SLC26A7: variants seen among roughly 807,000 people sequenced by gnomAD.
The protein encoded by SLC26A7 is solute carrier family 26 member 7.
Under a neutral mutation model 82.5 loss-of-function variants are expected in SLC26A7, and 59 were observed. The observed-to-expected ratio is 0.72, with a 90% CI of 0.58 to 0.89. The LOEUF is 0.89. SLC26A7 is among the 40% of genes least tolerant of loss of function. SLC26A7 has a pLI of 0.00. For missense variants in SLC26A7, 820 were observed against 793.0 expected (o/e 1.03, Z -0.41); for synonymous variants, 271 against 274.3 (o/e 0.99, Z 0.12).
chr8:91,388,379 A>AT (rs922489218), intron 15 of SLC26A7, among the ~76,000 whole-genome samples: 4 of 151,108 alleles, frequency 2.6e-5, no homozygotes, highest in African/African-American at 4.9e-5. Context: ...CCCGAGCGGG[A>AT]TTTTTTTTTA....
chr8:91,368,009 G>A (rs968411031), intron 14 of SLC26A7, among the ~76,000 whole-genome samples: 1 of 152,174 alleles, frequency 6.6e-6, no homozygotes, highest in Non-Finnish European at 1.5e-5. Context: ...CAGGGGCTCA[G>A]TGCAAAATGA....
At chr8:91,328,499 G>A (rs543019975) in intron 5 of SLC26A7, among the ~76,000 whole-genome samples, 2 of 152,082 alleles carry the variant, frequency 1.3e-5, no homozygotes, top group African/African-American at 2.4e-5. Flanking sequence ...TATAGTCCAA[G>A]TATTGGTAGT....
intron 2 of SLC26A7, among the ~76,000 whole-genome samples, chr8:91,232,703 G>C (rs1442185833): frequency 6.6e-6 from 1 of 152,198 alleles, no homozygotes; most frequent in Non-Finnish European, 1.5e-5. Flanking sequence ...CTATGTCATG[G>C]AGTTAGTGTT....
intron 2 of SLC26A7, among the ~76,000 whole-genome samples, chr8:91,280,439 C>T (rs551132982): frequency 2.0e-5 from 3 of 152,354 alleles, no homozygotes; most frequent in Admixed American, 6.5e-5. Context: ...CTCTCCTCTT[C>T]GGAACGGCAC....
At chr8:91,268,944 A>C (rs1586343346) in intron 2 of SLC26A7, among the ~76,000 whole-genome samples, 1 of 5,172 alleles carries the variant, frequency 1.9e-4, no homozygotes, top group Admixed American at 6.4e-4. Flanking sequence ...ATCACAAAAC[A>C]AAAAAAAAAC....
At chr8:91,292,363 G>A (rs1336908370) in intron 3 of SLC26A7, among the ~76,000 whole-genome samples, 1 of 151,868 alleles carries the variant, frequency 6.6e-6, no homozygotes, top group Admixed American at 6.6e-5. Flanking sequence ...ATATGTCAGG[G>A]AAAATAGACT....
At chr8:91,345,945 G>C (rs982272585) in intron 9 of SLC26A7, among the ~76,000 whole-genome samples, 3 of 152,088 alleles carry the variant, frequency 2.0e-5, no homozygotes, top group Non-Finnish European at 4.4e-5. Flanking sequence ...TGGGTGTACA[G>C]ATGTTTGATT....
At chr8:91,271,570 C>T (rs1011241446) in intron 2 of SLC26A7, among the ~76,000 whole-genome samples, 2 of 144,982 alleles carry the variant, frequency 1.4e-5, no homozygotes, top group East Asian at 2.1e-4. Context: ...CTTCCAGGCT[C>T]GGGGGTGGTC....
At chr8:91,215,156 T>A (rs144168099) in intron 1 of SLC26A7, among the ~76,000 whole-genome samples, 1 of 152,242 alleles carries the variant, frequency 6.6e-6, no homozygotes, top group East Asian at 1.9e-4. Context: ...ACTTGCAATG[T>A]CCCTTTTGCT....
chr8:91,376,627 T>C (rs1456644950), intron 15 of SLC26A7, among the ~76,000 whole-genome samples: 1 of 152,200 alleles, frequency 6.6e-6, no homozygotes, highest in Non-Finnish European at 1.5e-5. Flanking sequence ...GCTTTTCTTC[T>C]GCACTATCAC....
At chr8:91,219,218 C>CA (rs574431781) in intron 2 of SLC26A7, 301 of 340,882 alleles carry the variant, frequency 8.8e-4, no homozygotes, top group Middle Eastern at 1.5e-3. Flanking sequence ...TAAAAAAGTA[C>CA]AAAAAAAAAT....
At chr8:91,271,382 G>A (rs1811263051) in intron 2 of SLC26A7, among the ~76,000 whole-genome samples, 1 of 152,106 alleles carries the variant, frequency 6.6e-6, no homozygotes. Context: ...AGCAGTGCTG[G>A]AAAATAGTAG....
At chr8:91,375,732 G>C (rs1416656056) in intron 15 of SLC26A7, among the ~76,000 whole-genome samples, 1 of 150,172 alleles carries the variant, frequency 6.7e-6, no homozygotes, top group African/African-American at 2.5e-5. Flanking sequence ...TTCTTCTACA[G>C]TATCTCACAT....
At chr8:91,378,913 T>C (rs1814593550) in intron 15 of SLC26A7, among the ~76,000 whole-genome samples, 2 of 152,056 alleles carry the variant, frequency 1.3e-5, no homozygotes, top group East Asian at 1.9e-4. Flanking sequence ...GAAATAATTG[T>C]TTATTTAAAA....
intron 2 of SLC26A7, among the ~76,000 whole-genome samples, chr8:91,271,896 GAAATC>G (rs1316153835): frequency 2.6e-5 from 4 of 152,226 alleles, no homozygotes; most frequent in Non-Finnish European, 4.4e-5. Context: ...GCCCGGCCGA[GAAATC>G]TTATAGAAAG....
intron 11 of SLC26A7, among the ~76,000 whole-genome samples, chr8:91,358,338 T>TA (rs1469572956): frequency 2.0e-5 from 3 of 150,638 alleles, no homozygotes; most frequent in Non-Finnish European, 3.0e-5. Flanking sequence ...TCTTTTTTTT[T>TA]TTTTTTTTGA....
intron 2 of SLC26A7, among the ~76,000 whole-genome samples, chr8:91,240,142 T>C (rs1457394803): frequency 6.6e-6 from 1 of 152,216 alleles, no homozygotes; most frequent in Non-Finnish European, 1.5e-5. Flanking sequence ...CAGCTTTGCT[T>C]GCCAATGTTC....
chr8:91,226,064 C>G (rs1207624969), intron 2 of SLC26A7, among the ~76,000 whole-genome samples: 1 of 152,170 alleles, frequency 6.6e-6, no homozygotes, highest in African/African-American at 2.4e-5. Context: ...AGAGGATTCT[C>G]TACTCAGTCT....
At chr8:91,328,303 T>C (rs1286665578) in intron 5 of SLC26A7, among the ~76,000 whole-genome samples, 1 of 151,688 alleles carries the variant, frequency 6.6e-6, no homozygotes, top group Non-Finnish European at 1.5e-5. Flanking sequence ...CACTAAATAC[T>C]AAACTTTTTC....
Sources: allele counts gnomAD v4.1 joint callset (sites outside exome capture counted in the v4.1 genomes callset), GRCh38; gene constraint gnomAD v4.1.1; transcripts MANE v1.5; gene names NCBI Gene and HGNC (gene_info 2026-07-23, HGNC 2026-07-21).